The following GTF2H5 variants were observed in gnomAD, a reference collection of about 807,000 sequenced individuals.
The protein encoded by GTF2H5 is TFB5 ortholog.
Under a neutral mutation model 7.1 loss-of-function variants are expected in GTF2H5, and 5 were observed. That is an observed-to-expected ratio of 0.71 (90% CI 0.37 to 1.49). GTF2H5 has a LOEUF of 1.49. GTF2H5 is among the 40% of genes most tolerant of loss of function. The probability of loss-of-function intolerance (pLI) is 0.03; values close to 1 mark genes in which losing one functional copy is unlikely to be tolerated. For synonymous variants in GTF2H5, 30 were observed against 31.7 expected, an observed-to-expected ratio of 0.95 and a Z score of 0.18; for missense variants, 80 against 83.0, an observed-to-expected ratio of 0.96 and a Z score of 0.14.
chr6:158,185,674 G>A (rs1395248270), intron 2 of GTF2H5, among the ~76,000 whole-genome samples: 1 of 152,042 alleles, frequency 6.6e-6, no homozygotes, highest in Non-Finnish European at 1.5e-5. Flanking sequence ...TACCATTAGT[G>A]TTCAAGATGA....
chr6:158,192,093 A>G lies in GTF2H5; in HGVS notation c.152A>G (p.Asn51Ser), dbSNP rs1172006123. The change falls in exon 3 of 3, where the codon AAT becomes AGT. Residue 51 changes from asparagine (N) to serine (S), a missense_variant. Transcript: ENST00000607778. Reference protein sequence around the residue: ...THVFVIAELVNVLQERVGELM... With the variant: ...THVFVIAELVSVLQERVGELM... ...GTCTTTGTAATAGCAGAATTGGTTA[A>G]TGTCCTCCAGGAGCGAGTGGGTGAA... The G allele has an allele frequency of 6.2e-7, 1 of 1,613,888 alleles. No individual in the cohort carries two copies. Among genetic ancestry groups the G allele is most frequent in the Non-Finnish European group, 8.5e-7 (1 of 1,179,950 alleles).
At position 158,193,080 on chromosome 6, in the gene GTF2H5, T is replaced by A. The variant is rs1159491953; in HGVS notation, c.*923T>A. 1.3e-5 allele frequency: 2 copies of A among 152,024 alleles called. No individual in the cohort carries two copies. The highest frequency in any genetic ancestry group is 2.9e-5 in the Non-Finnish European group (2 of 68,154). 9.4% of individuals were successfully genotyped at this position (152,024 alleles called of 1,614,324 possible). A position where few individuals can be genotyped will look rare whatever the true frequency, so the allele number is the denominator to read the frequency against. ...GCCTGGGCTTAGTGGCTCACACCTG[T>A]AATCCCAGCACTTTGGGAGGCTGAG... On this transcript the variant is annotated 3_prime_UTR_variant, in exon 3 of 3. Transcript: ENST00000607778.
intron 2 of GTF2H5, among the ~76,000 whole-genome samples, chr6:158,171,430 T>G (rs1785855251): frequency 6.6e-6 from 1 of 152,210 alleles, no homozygotes; most frequent in Admixed American, 6.5e-5. Context: ...GTGGGCTACC[T>G]TATGCATAGT....
At chr6:158,183,387 A>T (rs566191454) in intron 2 of GTF2H5, among the ~76,000 whole-genome samples, 25 of 152,202 alleles carry the variant, frequency 1.6e-4, no homozygotes, top group Non-Finnish European at 2.9e-4. Context: ...CTCAAATGCC[A>T]TGCTGGGAGA....
intron 2 of GTF2H5, among the ~76,000 whole-genome samples, chr6:158,185,813 C>A (rs886086293): frequency 6.6e-6 from 1 of 151,712 alleles, no homozygotes; most frequent in African/African-American, 2.4e-5. Flanking sequence ...TTCGACATAA[C>A]AGAACCCTAT....
chr6:158,169,297 A>ATATATAATATATAATATGTATATTATG (rs1785705911), intron 1 of GTF2H5, among the ~76,000 whole-genome samples: 3 of 126,464 alleles, frequency 2.4e-5, no homozygotes, highest in African/African-American at 9.0e-5. Context: ...TATTTATTTT[A>ATATATAATATATAATATGTATATTATG]TATATAATAT....
chr6:158,186,668 C>T (rs573676877), intron 2 of GTF2H5, among the ~76,000 whole-genome samples: 4 of 152,312 alleles, frequency 2.6e-5, no homozygotes, highest in South Asian at 4.1e-4. Context: ...CCAAGGTGTT[C>T]GGGCTACAGC....
At chr6:158,174,198 T>C (rs922052895) in intron 2 of GTF2H5, among the ~76,000 whole-genome samples, 2 of 152,196 alleles carry the variant, frequency 1.3e-5, no homozygotes, top group Non-Finnish European at 2.9e-5. Context: ...GCTTCCACTG[T>C]CCCAGGAATC....
chr6:158,195,633 G>A lies in GTF2H5; in HGVS notation c.*3476G>A, dbSNP rs767777009. On this transcript the variant is annotated 3_prime_UTR_variant, in exon 3 of 3. Transcript: ENST00000607778. ...TTGCTCTTTACATTTTCTAGAACAG[G>A]TGATTTGACATAATTGTACTTTTTT... 2.6e-5 allele frequency: 4 copies of A among 152,130 alleles called. No individual in the cohort carries two copies. Among genetic ancestry groups the A allele is most frequent in the Non-Finnish European group, 2.9e-5 (2 of 68,024 alleles). The allele number at this position is 152,130 out of a possible 1,614,324, so 9.4% of individuals were successfully genotyped here.
chr6:158,180,703 C>T (rs767563633), intron 2 of GTF2H5, among the ~76,000 whole-genome samples: 1 of 152,014 alleles, frequency 6.6e-6, no homozygotes. Flanking sequence ...TCTGTGGGAT[C>T]GGGTTGATAT....
rs957292911 is a variant in GTF2H5 at position 158,194,769 on chromosome 6, A to G, written c.*2612A>G. ...AGGGAGAGCTTATTCACATGGAAAC[A>G]AGGCTAGGTGATTAAGGGAGAAAGG... On this transcript the variant is annotated 3_prime_UTR_variant, in exon 3 of 3. Coordinates refer to ENST00000607778, the MANE Select transcript of GTF2H5 (RefSeq NM_207118.3). The G allele has an allele frequency of 2.0e-5, 3 of 152,224 alleles. No homozygotes were observed. Among genetic ancestry groups the G allele is most frequent in the Non-Finnish European group, 4.4e-5 (3 of 68,052 alleles). 9.4% of individuals were successfully genotyped at this position (152,224 alleles called of 1,614,324 possible).
rs563476656 is a variant in GTF2H5 at position 158,188,019 on chromosome 6, T to G, written c.36-3958T>G. 4.6e-5 allele frequency among the ~76,000 whole-genome samples: 7 copies of G among 152,288 alleles called. No homozygotes were observed. In the East Asian group the frequency reaches 1.4e-3, roughly 29 times the overall value. On this transcript the variant is annotated intron_variant, in intron 2 of 2. Coordinates refer to ENST00000607778, the MANE Select transcript of GTF2H5 (RefSeq NM_207118.3). ...CTTAGCCAAGGGGAGGGTCCATCAG[T>G]CAGTTGGCAGATGGGGGGTGGGGTG... is the stretch of plus-strand genomic sequence containing the variant.
At chr6:158,169,523 A>T (rs1289774521) in intron 1 of GTF2H5, among the ~76,000 whole-genome samples, 1 of 82,832 alleles carries the variant, frequency 1.2e-5, no homozygotes, top group East Asian at 4.3e-4. Context: ...ATTATATATA[A>T]TATACAGTAT....
intron 2 of GTF2H5, among the ~76,000 whole-genome samples, chr6:158,188,287 T>C (rs2128431609): frequency 6.6e-6 from 1 of 152,308 alleles, no homozygotes; most frequent in Admixed American, 6.5e-5. Context: ...TACTCTCCTT[T>C]TATTCTCCCC....
At chr6:158,169,700 A>G (rs1180967516) in intron 1 of GTF2H5, among the ~76,000 whole-genome samples, 27 of 81,930 alleles carry the variant, frequency 3.3e-4, no homozygotes, top group Admixed American at 7.7e-4. Flanking sequence ...ATATTATATA[A>G]TATATTGTAT....
intron 1 of GTF2H5, among the ~76,000 whole-genome samples, chr6:158,169,050 A>G (rs1312478077): frequency 6.6e-6 from 1 of 151,706 alleles, no homozygotes; most frequent in Middle Eastern, 3.2e-3. Context: ...CCTGGCCAAC[A>G]TGGTGAAACC....
In GTF2H5 at chr6:158,180,102, G is replaced by A. The variant is rs144323366; in HGVS notation, c.35+9564G>A. Among the ~76,000 whole-genome samples the A allele has an allele frequency of 2.3e-3, 351 of 152,120 alleles. 1 individual carries two copies. The highest frequency in any genetic ancestry group is 7.9e-3 in the African/African-American group (326 of 41,500). On this transcript the variant is annotated intron_variant, in intron 2 of 2. Transcript: ENST00000607778. Reference sequence around the variant, plus strand: ...GCCTTTTCTGCTGTTGAATTTTGTCGAAGGCCTTTTCCGCATCTTTTGAGA... The same window carrying A: ...GCCTTTTCTGCTGTTGAATTTTGTCAAAGGCCTTTTCCGCATCTTTTGAGA...
In GTF2H5 at chr6:158,169,719, T is replaced by TTATATAATATATTATATAA. The variant is rs1785800377; in HGVS notation, c.-34-738_-34-737insATATAATATATAATATATT. On this transcript the variant is annotated intron_variant, in intron 1 of 2. Coordinates refer to ENST00000607778, the MANE Select transcript of GTF2H5 (RefSeq NM_207118.3). ...TATATAATATATTGTATATTATATA[T>TTATATAATATATTATATAA]TATATAATATATTGTATATTATATA... Among the ~76,000 whole-genome samples the TTATATAATATATTATATAA allele has an allele frequency of 5.5e-5, 3 of 54,300 alleles. 1 individual carries two copies. The highest frequency in any genetic ancestry group is 3.6e-4 in the African/African-American group (3 of 8,288). 35.6% of individuals were successfully genotyped at this position (54,300 alleles called of 152,430 possible). A position where few individuals can be genotyped will look rare whatever the true frequency, so the allele number is the denominator to read the frequency against.
chr6:158,171,247 A>C (rs1260345811), intron 2 of GTF2H5, among the ~76,000 whole-genome samples: 1 of 152,252 alleles, frequency 6.6e-6, no homozygotes, highest in African/African-American at 2.4e-5. Flanking sequence ...ACGTAAAATG[A>C]AACAGGTGAA....
Sources: allele counts gnomAD v4.1 joint callset (sites outside exome capture counted in the v4.1 genomes callset), GRCh38; gene constraint gnomAD v4.1.1; transcripts MANE v1.5; gene names NCBI Gene and HGNC (gene_info 2026-07-23, HGNC 2026-07-21).